Variants in PCDHB6 observed in about 807,000 individuals in gnomAD.
PCDHB6 encodes protocadherin beta 6, also known as protocadherin beta-6.
For missense variants in PCDHB6, 1,137 were observed against 1,010.1 expected, an observed-to-expected ratio of 1.13 and a Z score of -1.70; for synonymous variants, 506 against 459.0, an observed-to-expected ratio of 1.10 and a Z score of -1.31.
In PCDHB6 at chr5:141,151,366, A is replaced by T; in HGVS notation, c.1109A>T (p.Asp370Val). The T allele has an allele frequency of 6.2e-7, 1 of 1,614,156 alleles. No individual in the cohort carries two copies. The highest frequency in any genetic ancestry group is 1.1e-5 in the South Asian group (1 of 91,088). The change falls in exon 1 of 1, where the codon GAT (aspartate) becomes GTT (valine). Residue 370 changes from aspartate to valine, a missense_variant. Coordinates refer to ENST00000231136, the MANE Select transcript of PCDHB6 (RefSeq NM_018939.4). The part of the protein sequence containing the change: ...EITVAVFSVS[D>V]ADSGHNQQVI... The stretch of plus-strand genomic sequence containing the variant: ...ACAGTGGCAGTTTTCAGTGTTTCAG[A>T]TGCAGACTCTGGACATAACCAACAG...
chr5:141,151,154 T>C lies in PCDHB6; in HGVS notation c.897T>C (p.Ile299=). Reference sequence around the variant, plus strand: ...AAATAAACGCAATCACAGGAGAAATTCGGCTGAGAAAGGCTTTGGATTTTG... The same window carrying C: ...AAATAAACGCAATCACAGGAGAAATCCGGCTGAGAAAGGCTTTGGATTTTG... ...PFEINAITGE[I]RLRKALDFEE... is the part of the protein sequence containing the mutation. The change falls in exon 1 of 1, where the codon ATT becomes ATC. Residue 299 remains isoleucine (I), a synonymous_variant. Coordinates refer to ENST00000231136, the MANE Select transcript of PCDHB6 (RefSeq NM_018939.4). 2 of 1,614,144 alleles carry C rather than the reference T, an allele frequency of 1.2e-6. No homozygotes were observed. Among genetic ancestry groups the C allele is most frequent in the Non-Finnish European group, 1.7e-6 (2 of 1,180,026 alleles).
rs1486438691 is a variant in PCDHB6, at chr5:141,151,666, G to T, written c.1409G>T (p.Ser470Ile). 2.5e-5 allele frequency: 41 copies of T among 1,613,278 alleles called. No homozygotes were observed. Among genetic ancestry groups the T allele is most frequent in the Non-Finnish European group, 3.5e-5 (41 of 1,180,046 alleles). Reference sequence around the variant, plus strand: ...AACAGCCCCGCCCTGCACATCGGCAGCGTCAGCGCCACAGACAGAGACTCA... The same window carrying T: ...AACAGCCCCGCCCTGCACATCGGCATCGTCAGCGCCACAGACAGAGACTCA... ...ENNSPALHIG[S>I]VSATDRDSGI... Residue 470 changes from serine to isoleucine, a missense_variant, in exon 1 of 1, where the codon AGC (serine) becomes ATC (isoleucine). Physicochemically the swap from Ser to Ile is moderately radical, Grantham distance 142. Transcript: ENST00000231136.
Position 141,152,244 on chromosome 5 carries a change from G to A in PCDHB6, c.1987G>A (p.Gly663Ser), listed in dbSNP as rs782810463. The A allele has an allele frequency of 2.6e-5, 41 of 1,607,270 alleles. No individual in the cohort carries two copies. Among genetic ancestry groups the A allele is most frequent in the Non-Finnish European group, 3.1e-5 (37 of 1,179,764 alleles). Reference protein sequence around the residue: ...TATLHVLLVDGFSQPYLPLPE... With the variant: ...TATLHVLLVDSFSQPYLPLPE... The stretch of plus-strand genomic sequence containing the variant: ...CACGCTGCACGTGCTCCTGGTGGAC[G>A]GCTTCTCCCAGCCCTACCTGCCTCT... The change falls in exon 1 of 1, where the codon GGC becomes AGC. Residue 663 changes from glycine (G) to serine (S), a missense_variant. Coordinates refer to ENST00000231136, the MANE Select transcript of PCDHB6 (RefSeq NM_018939.4).
Position 141,150,489 on chromosome 5 carries a change from C to G in PCDHB6, c.232C>G (p.Pro78Ala). ...GAACAGACAACATTTGCAGTTTGAT[C>G]CACAGACCCATGATTTACTGCTAAA... Reference protein sequence around the residue: ...KGNRQHLQFDPQTHDLLLNEK... With the variant: ...KGNRQHLQFDAQTHDLLLNEK... Residue 78 changes from proline (P) to alanine (A), a missense_variant, in exon 1 of 1, where the codon CCA (proline) becomes GCA (alanine). Transcript: ENST00000231136. 2 of 1,614,114 alleles carry G rather than the reference C, an allele frequency of 1.2e-6. No individual in the cohort carries two copies. The highest frequency in any genetic ancestry group is 8.5e-7 in the Non-Finnish European group (1 of 1,180,012).
In PCDHB6 at chr5:141,151,699, A is replaced by C; in HGVS notation, c.1442A>C (p.Asn481Thr). ...GCCACAGACAGAGACTCAGGCATCAACGCCCAGGTCACCTACTCGCTGCTG... is the reference window on the plus strand; with the variant it reads ...GCCACAGACAGAGACTCAGGCATCACCGCCCAGGTCACCTACTCGCTGCTG... ...VSATDRDSGI[N>T]AQVTYSLLPP... Residue 481 changes from asparagine to threonine, a missense_variant, in exon 1 of 1, where the codon AAC (asparagine) becomes ACC (threonine). Coordinates refer to ENST00000231136, the MANE Select transcript of PCDHB6 (RefSeq NM_018939.4). 1 of 1,613,140 alleles carries C rather than the reference A, an allele frequency of 6.2e-7. No individual in the cohort carries two copies. Among genetic ancestry groups the C allele is most frequent in the Non-Finnish European group, 8.5e-7 (1 of 1,180,012 alleles).
Position 141,151,621 on chromosome 5 carries a change from C to A in PCDHB6, c.1364C>A (p.Thr455Asn). The A allele has an allele frequency of 1.9e-6, 3 of 1,613,748 alleles. No homozygotes were observed. Among genetic ancestry groups the A allele is most frequent in the Non-Finnish European group, 2.5e-6 (3 of 1,180,034 alleles). ...CCCGCCTTCACCCAAACCTCCTACA[C>A]CCTGTTCGTCCGCGAGAACAACAGC... ...NAPAFTQTSY[T>N]LFVRENNSPA... Residue 455 changes from threonine to asparagine, a missense_variant, in exon 1 of 1, where the codon ACC becomes AAC. By Grantham distance (65) the Thr-to-Asn change is moderately conservative. Coordinates refer to ENST00000231136, the MANE Select transcript of PCDHB6 (RefSeq NM_018939.4).
In PCDHB6 at chr5:141,151,007, C is replaced by G. The variant is rs370485267; in HGVS notation, c.750C>G (p.Val250=). Residue 250 remains valine, a synonymous_variant, in exon 1 of 1, where the codon GTC becomes GTG. Transcript: ENST00000231136. ...EFAQELYEAQ[V]PENNPLGSLV... is the part of the protein sequence containing the mutation. ...CTCAGGAGCTCTATGAAGCACAAGTCCCTGAGAACAACCCCCTCGGCTCTC... is the reference window on the plus strand; with the variant it reads ...CTCAGGAGCTCTATGAAGCACAAGTGCCTGAGAACAACCCCCTCGGCTCTC... The G allele has an allele frequency of 1.9e-6, 3 of 1,614,216 alleles. No individual in the cohort carries two copies. In the Middle Eastern group the frequency reaches 4.9e-4, roughly 266 times the overall value.
rs782308444 is a variant in PCDHB6 at position 141,152,422 on chromosome 5, G to A, written c.2165G>A (p.Arg722His). 2 of 1,613,582 alleles carry A rather than the reference G, an allele frequency of 1.2e-6. No individual in the cohort carries two copies. The highest frequency in any genetic ancestry group is 3.3e-5 in the Admixed American group (2 of 60,002). ...AGGAGCAGGGCGGCCTCGGTGGGTC[G>A]CTACTCGGTGCCCGAGGGTCCCTTT... ...CRRSRAASVG[R>H]YSVPEGPFPG... Residue 722 changes from arginine (R) to histidine (H), a missense_variant, in exon 1 of 1, where the codon CGC becomes CAC. Coordinates refer to ENST00000231136, the MANE Select transcript of PCDHB6 (RefSeq NM_018939.4).
chr5:141,152,479 G>T lies in PCDHB6; in HGVS notation c.2222G>T (p.Gly741Val). Residue 741 changes from glycine (G) to valine (V), a missense_variant, in exon 1 of 1, where the codon GGG becomes GTG. By Grantham distance (109) the Gly-to-Val change is moderately radical (BLOSUM62 -3). Coordinates refer to ENST00000231136, the MANE Select transcript of PCDHB6 (RefSeq NM_018939.4). The part of the protein sequence containing the change: ...PGHLVDVSGT[G>V]TLSQSYQYKV... Reference sequence around the variant, plus strand: ...CATCTGGTGGATGTGAGCGGCACCGGGACCCTATCCCAGAGCTACCAGTAC... The same window carrying T: ...CATCTGGTGGATGTGAGCGGCACCGTGACCCTATCCCAGAGCTACCAGTAC... The T allele has an allele frequency of 5.6e-6, 9 of 1,614,100 alleles. No individual in the cohort carries two copies. Among genetic ancestry groups the T allele is most frequent in the Non-Finnish European group, 6.8e-6 (8 of 1,180,020 alleles).
chr5:141,152,905 C>G lies in PCDHB6; in HGVS notation c.*263C>G. The G allele has an allele frequency of 4.1e-6, 1 of 246,404 alleles. No individual in the cohort carries two copies. The highest frequency in any genetic ancestry group is 1.1e-4 in the East Asian group (1 of 9,410). The allele number at this position is 246,404 out of a possible 1,614,324, so 15.3% of individuals were successfully genotyped here. A position where few individuals can be genotyped will look rare whatever the true frequency, so the allele number is the denominator to read the frequency against. Reference sequence around the variant, plus strand: ...ATTAAATTATCTATTCTTCCCCCCCCCAAAAAAAAGTATTGTAAATCCTTA... The same window carrying G: ...ATTAAATTATCTATTCTTCCCCCCCGCAAAAAAAAGTATTGTAAATCCTTA... On this transcript the variant is annotated 3_prime_UTR_variant, in exon 1 of 1. Transcript: ENST00000231136.
rs61740378 is a variant in PCDHB6, at chr5:141,152,307, C to T, written c.2050C>T (p.Leu684Phe). ...AAPAQAQADSLTVYLVVALAS... is the reference protein window; with the variant it reads ...AAPAQAQADSFTVYLVVALAS... ...CCCGGCCCAAGCCCAGGCCGACTCT[C>T]TCACCGTCTACCTGGTGGTGGCGTT... Residue 684 changes from leucine to phenylalanine, a missense_variant, in exon 1 of 1, where the codon CTC becomes TTC. By Grantham distance (22) the Leu-to-Phe change is conservative (BLOSUM62 0). Transcript: ENST00000231136. The T allele has an allele frequency of 0.036, 58,057 of 1,609,036 alleles. 1,288 individuals carry two copies. Among genetic ancestry groups the T allele is most frequent in the Non-Finnish European group, 0.043 (50,224 of 1,179,828 alleles).
rs782225897 is a variant in PCDHB6, at chr5:141,152,342, G to A, written c.2085G>A (p.Val695=). 7 of 1,609,664 alleles carry A rather than the reference G, an allele frequency of 4.3e-6. No homozygotes were observed. The highest frequency in any genetic ancestry group is 1.3e-5 in the African/African-American group (1 of 74,802). The change falls in exon 1 of 1, where the codon GTG becomes GTA. Residue 695 remains valine (V), a synonymous_variant. Transcript: ENST00000231136. Reference sequence around the variant, plus strand: ...ACCTGGTGGTGGCGTTGGCCTCGGTGTCGTCGCTCTTCCTCTTTTCGGTGC... The same window carrying A: ...ACCTGGTGGTGGCGTTGGCCTCGGTATCGTCGCTCTTCCTCTTTTCGGTGC... ...TVYLVVALAS[V]SSLFLFSVLL...
At position 141,150,463 on chromosome 5, in the gene PCDHB6, G is replaced by A. The variant is rs200056604; in HGVS notation, c.206G>A (p.Gly69Glu). ...ASRGARVVFK[G>E]NRQHLQFDPQ... ...CGGGGCGCTCGGGTTGTTTTCAAAG[G>A]GAACAGACAACATTTGCAGTTTGAT... The change falls in exon 1 of 1, where the codon GGG becomes GAG. Residue 69 changes from glycine to glutamate, a missense_variant. Coordinates refer to ENST00000231136, the MANE Select transcript of PCDHB6 (RefSeq NM_018939.4). 1.9e-6 allele frequency: 3 copies of A among 1,614,100 alleles called. No homozygotes were observed. Among genetic ancestry groups the A allele is most frequent in the Middle Eastern group, 1.6e-4 (1 of 6,062 alleles).
rs782254189 is a variant in PCDHB6, at chr5:141,150,886, C to T, written c.629C>T (p.Thr210Met). Residue 210 changes from threonine (T) to methionine (M), a missense_variant, in exon 1 of 1, where the codon ACG (threonine) becomes ATG (methionine). Coordinates refer to ENST00000231136, the MANE Select transcript of PCDHB6 (RefSeq NM_018939.4). ...DREEQPQLRLTLIALDGGSPP... is the reference protein window; with the variant it reads ...DREEQPQLRLMLIALDGGSPP... ...GAGGAGCAGCCCCAACTCAGGCTAA[C>T]GCTGATCGCGCTGGATGGCGGGTCT... The T allele has an allele frequency of 2.5e-6, 4 of 1,614,092 alleles. No individual in the cohort carries two copies. Among genetic ancestry groups the T allele is most frequent in the South Asian group, 2.2e-5 (2 of 91,096 alleles).
chr5:141,150,062 A>C lies in PCDHB6; in HGVS notation c.-196A>C. On this transcript the variant is annotated 5_prime_UTR_variant, in exon 1 of 1. Transcript: ENST00000231136. ...CTGCAGACTCGGTGGACTCCGTTTC[A>C]TCCAGAAGCCAAGTAAAAATACAGA... 1.8e-6 allele frequency: 1 copy of C among 558,802 alleles called. No individual in the cohort carries two copies. Among genetic ancestry groups the C allele is most frequent in the Non-Finnish European group, 3.1e-6 (1 of 318,424 alleles). 34.6% of individuals were successfully genotyped at this position (558,802 alleles called of 1,614,324 possible).
Position 141,152,488 on chromosome 5 carries a change from C to T in PCDHB6, c.2231C>T (p.Ser744Phe), listed in dbSNP as rs1420868875. 3 of 1,613,982 alleles carry T rather than the reference C, an allele frequency of 1.9e-6. No homozygotes were observed. The highest frequency in any genetic ancestry group is 2.5e-6 in the Non-Finnish European group (3 of 1,180,042). ...GATGTGAGCGGCACCGGGACCCTATCCCAGAGCTACCAGTACAAGGTGTGT... is the reference window on the plus strand; with the variant it reads ...GATGTGAGCGGCACCGGGACCCTATTCCAGAGCTACCAGTACAAGGTGTGT... ...LVDVSGTGTL[S>F]QSYQYKVCLT... The change falls in exon 1 of 1, where the codon TCC (serine) becomes TTC (phenylalanine). Residue 744 changes from serine to phenylalanine, a missense_variant. Ser to Phe is a radical substitution (Grantham distance 155). Transcript: ENST00000231136.
chr5:141,151,403 A>G lies in PCDHB6; in HGVS notation c.1146A>G (p.Ser382=). The G allele has an allele frequency of 6.2e-7, 1 of 1,614,186 alleles. No homozygotes were observed. Among genetic ancestry groups the G allele is most frequent in the Non-Finnish European group, 8.5e-7 (1 of 1,180,020 alleles). The change falls in exon 1 of 1, where the codon TCA becomes TCG. Residue 382 remains serine, a synonymous_variant. Coordinates refer to ENST00000231136, the MANE Select transcript of PCDHB6 (RefSeq NM_018939.4). ...DSGHNQQVIC[S]IENNLPFLLR... ...GACATAACCAACAGGTTATTTGTTC[A>G]ATAGAGAACAATCTCCCCTTTCTAC... is the stretch of plus-strand genomic sequence containing the variant.
At position 141,151,385 on chromosome 5, in the gene PCDHB6, C is replaced by A. The variant is rs1310543803; in HGVS notation, c.1128C>A (p.Asn376Lys). ...TTTCAGATGCAGACTCTGGACATAA[C>A]CAACAGGTTATTTGTTCAATAGAGA... ...FSVSDADSGH[N>K]QQVICSIENN... Residue 376 changes from asparagine to lysine, a missense_variant, in exon 1 of 1, where the codon AAC (asparagine) becomes AAA (lysine). By Grantham distance (94) the Asn-to-Lys change is moderately conservative. Coordinates refer to ENST00000231136, the MANE Select transcript of PCDHB6 (RefSeq NM_018939.4). 1.2e-6 allele frequency: 2 copies of A among 1,614,160 alleles called. No homozygotes were observed. The highest frequency in any genetic ancestry group is 8.5e-7 in the Non-Finnish European group (1 of 1,180,038).
Position 141,152,868 on chromosome 5 carries a change from T to TA in PCDHB6, c.*228dup, listed in dbSNP as rs1258448494. Reference sequence around the variant, plus strand: ...AAGTAAATTTTTATTTGCATAATTTTAAGCTTTTGAAATTAAATTATCTAT... The same window carrying TA: ...AAGTAAATTTTTATTTGCATAATTTTAAAGCTTTTGAAATTAAATTATCTAT... On this transcript the variant is annotated 3_prime_UTR_variant, in exon 1 of 1. Transcript: ENST00000231136. The TA allele has an allele frequency of 3.6e-5, 13 of 362,354 alleles. No individual in the cohort carries two copies. In the Admixed American group the frequency reaches 5.7e-4, roughly 16 times the overall value. 22.4% of individuals were successfully genotyped at this position (362,354 alleles called of 1,614,324 possible).
Sources: allele counts gnomAD v4.1 joint callset, GRCh38; gene constraint gnomAD v4.1.1; transcripts MANE v1.5; gene names NCBI Gene and HGNC (gene_info 2026-07-23, HGNC 2026-07-21).